Variants in ZFHX3 observed in about 807,000 individuals in gnomAD.
ZFHX3 encodes zinc finger homeobox protein 3.
ZFHX3 carries 42 observed loss-of-function variants against 279.1 expected under a neutral mutation model. That is an observed-to-expected ratio of 0.15 (90% CI 0.12 to 0.19). The LOEUF (loss-of-function observed/expected upper bound fraction) is 0.19, where lower values mean the gene tolerates loss of function less well. ZFHX3 is among the 10% of genes least tolerant of loss of function. The pLI is 1.00. For missense variants in ZFHX3, 4,981 were observed against 4,754.0 expected, an observed-to-expected ratio of 1.05 and a Z score of -1.40; for synonymous variants, 2,293 against 1,957.8, an observed-to-expected ratio of 1.17 and a Z score of -4.52.
chr16:73,284,035 C>T (rs1414589725), intron 4 of ZFHX3, among the ~76,000 whole-genome samples: 1 of 152,012 alleles, frequency 6.6e-6, no homozygotes, highest in Non-Finnish European at 1.5e-5. Context: ...AAATATGATC[C>T]TGGCCAGGCG....
intron 7 of ZFHX3, among the ~76,000 whole-genome samples, chr16:73,122,067 A>G (rs1003300501): frequency 5.3e-5 from 8 of 152,286 alleles, no homozygotes; most frequent in African/African-American, 1.7e-4. Context: ...CACTAAGACT[A>G]TAAGTTTCTC....
Position 73,580,564 on chromosome 16 carries a change from G to C in ZFHX3, c.-1547+99616C>G, listed in dbSNP as rs186624051. 8.8e-4 allele frequency among the ~76,000 whole-genome samples: 132 copies of C among 150,142 alleles called. 1 individual carries two copies. Among genetic ancestry groups the C allele is most frequent in the Admixed American group, 4.8e-3 (73 of 15,074 alleles). On this transcript the variant is annotated intron_variant, in intron 2 of 17. Coordinates refer to the ZFHX3 transcript ENST00000641206. ...CTAACTGGGACTATCTAGTTACTTA[G>C]AAATACCACTCATATAAGAAAGACA...
intron 1 of ZFHX3, among the ~76,000 whole-genome samples, chr16:72,988,734 T>G (rs562342364): frequency 6.6e-6 from 1 of 152,348 alleles, no homozygotes; most frequent in South Asian, 2.1e-4. Flanking sequence ...AAATAATTTC[T>G]CCAACAAAAC....
At chr16:73,201,457 C>T (rs2144899405) in intron 5 of ZFHX3, among the ~76,000 whole-genome samples, 1 of 152,326 alleles carries the variant, frequency 6.6e-6, no homozygotes, top group African/African-American at 2.4e-5. Context: ...AATCTGGTTA[C>T]AGTTAGTTTC....
chr16:73,034,004 A>C (rs371191393), intron 1 of ZFHX3, among the ~76,000 whole-genome samples: 14 of 152,146 alleles, frequency 9.2e-5, no homozygotes, highest in African/African-American at 3.1e-4. Context: ...TCTCCTTGCT[A>C]TTTCACTGAG....
intron 1 of ZFHX3, among the ~76,000 whole-genome samples, chr16:73,873,977 GA>G (rs556106992): frequency 2.3e-3 from 331 of 146,752 alleles, no homozygotes; most frequent in African/African-American, 7.4e-3. Flanking sequence ...AAAGTAAGAA[GA>G]AAAAAAAAAG....
chr16:73,737,415 A>G (rs974604220), intron 1 of ZFHX3, among the ~76,000 whole-genome samples: 1 of 152,210 alleles, frequency 6.6e-6, no homozygotes, highest in Non-Finnish European at 1.5e-5. Context: ...CCTGCTCTCC[A>G]AGCTGTGTCT....
At chr16:72,925,495 C>T (rs536515704) in intron 3 of ZFHX3, among the ~76,000 whole-genome samples, 7 of 152,222 alleles carry the variant, frequency 4.6e-5, no homozygotes, top group Admixed American at 1.3e-4. Flanking sequence ...CCCCAACCAC[C>T]GCAGCAATGC....
At chr16:73,605,943 G>A (rs1398108909) in intron 2 of ZFHX3, among the ~76,000 whole-genome samples, 1 of 151,860 alleles carries the variant, frequency 6.6e-6, no homozygotes, top group Non-Finnish European at 1.5e-5. Context: ...CCAGCATTTT[G>A]GGAGACCGAG....
intron 1 of ZFHX3, among the ~76,000 whole-genome samples, chr16:73,028,879 A>G (rs1964602368): frequency 6.6e-6 from 1 of 152,256 alleles, no homozygotes; most frequent in African/African-American, 2.4e-5. Flanking sequence ...CAACAACAAC[A>G]GAAGTCTTGT....
intron 5 of ZFHX3, among the ~76,000 whole-genome samples, chr16:73,251,763 C>G (rs1456033614): frequency 6.9e-6 from 1 of 145,752 alleles, no homozygotes; most frequent in African/African-American, 2.5e-5. Context: ...ACCACACACA[C>G]ACACACCATG....
At chr16:73,569,916 A>C (rs2051716775) in intron 2 of ZFHX3, among the ~76,000 whole-genome samples, 1 of 152,032 alleles carries the variant, frequency 6.6e-6, no homozygotes, top group African/African-American at 2.4e-5. Flanking sequence ...AAGGGCAACC[A>C]CCCGTTTCCC....
chr16:73,506,107 C>T (rs1416137073), intron 2 of ZFHX3, among the ~76,000 whole-genome samples: 1 of 152,160 alleles, frequency 6.6e-6, no homozygotes, highest in Non-Finnish European at 1.5e-5. Context: ...TAATAGAAAC[C>T]TAGAGTGGAT....
intron 3 of ZFHX3, among the ~76,000 whole-genome samples, chr16:73,392,584 A>G (rs1202400181): frequency 6.6e-6 from 1 of 152,110 alleles, no homozygotes; most frequent in Non-Finnish European, 1.5e-5. Context: ...GAGAAATTAT[A>G]TATATTTTTG....
At chr16:72,874,647 A>G (rs983286910) in intron 4 of ZFHX3, among the ~76,000 whole-genome samples, 2 of 151,824 alleles carry the variant, frequency 1.3e-5, no homozygotes, top group Admixed American at 1.3e-4. Context: ...GGCTGCTTAT[A>G]TAAGGAAAAA....
At chr16:73,217,243 T>C (rs530095267) in intron 5 of ZFHX3, among the ~76,000 whole-genome samples, 1 of 152,220 alleles carries the variant, frequency 6.6e-6, no homozygotes, top group African/African-American at 2.4e-5. Flanking sequence ...AAGCTACTTA[T>C]GTTCCTTTTT....
At chr16:73,730,088 G>C (rs892903477) in intron 1 of ZFHX3, among the ~76,000 whole-genome samples, 1 of 152,084 alleles carries the variant, frequency 6.6e-6, no homozygotes, top group Non-Finnish European at 1.5e-5. Context: ...TGCACAGAAG[G>C]CTGACTCTTC....
intron 3 of ZFHX3, chr16:73,400,488 G>A (rs990885427): frequency 6.6e-6 from 1 of 152,172 alleles, no homozygotes; most frequent in Non-Finnish European, 1.5e-5. Context: ...CGGTCTCCAC[G>A]GGGGTCAGTC....
At chr16:73,610,517 C>T (rs2052234649) in intron 2 of ZFHX3, among the ~76,000 whole-genome samples, 1 of 152,152 alleles carries the variant, frequency 6.6e-6, no homozygotes, top group East Asian at 1.9e-4. Flanking sequence ...CACTCCAAGG[C>T]ACCTTTTTGT....
Sources: gnomAD v4.1 joint callset for allele counts (sites outside exome capture counted in the v4.1 genomes callset) on GRCh38, gnomAD v4.1.1 for gene constraint, MANE v1.5 for transcripts, NCBI Gene and HGNC (gene_info 2026-07-23, HGNC 2026-07-21) for gene names.